The following SMYD3 variants were observed in gnomAD, a reference collection of about 807,000 sequenced individuals.
SMYD3 encodes the protein SET and MYND domain containing 3.
A neutral mutation model predicts 57.7 loss-of-function variants in SMYD3; 36 were observed. The ratio of observed to expected loss-of-function variants is 0.62; its 90% confidence interval spans 0.48 to 0.82. The LOEUF (loss-of-function observed/expected upper bound fraction) is 0.82. Among genes scored for constraint, SMYD3 ranks in the 40% least tolerant of loss-of-function variants. SMYD3 has a pLI of 0.00. For missense variants in SMYD3, 515 were observed against 538.8 expected (o/e 0.96, Z 0.44); for synonymous variants, 211 against 195.0 (o/e 1.08, Z -0.68).
At chr1:246,344,579 T>C (rs1202333738) in intron 2 of SMYD3, among the ~76,000 whole-genome samples, 1 of 152,222 alleles carries the variant, frequency 6.6e-6, no homozygotes, top group Non-Finnish European at 1.5e-5. Context: ...TCATAACTCT[T>C]AGGTAAATAA....
chr1:246,165,578 G>A (rs898264871), intron 5 of SMYD3, among the ~76,000 whole-genome samples: 8 of 151,588 alleles, frequency 5.3e-5, no homozygotes, highest in African/African-American at 9.8e-5. Context: ...GTTAAAAGTC[G>A]TCGAAACAAT....
intron 5 of SMYD3, among the ~76,000 whole-genome samples, chr1:246,114,668 G>A (rs1212528735): frequency 6.6e-6 from 1 of 152,146 alleles, no homozygotes; most frequent in South Asian, 2.1e-4. Flanking sequence ...GTTTCACTCT[G>A]TCGCCAGGCT....
chr1:246,103,246 C>G (rs994593762), intron 5 of SMYD3, among the ~76,000 whole-genome samples: 3 of 152,176 alleles, frequency 2.0e-5, no homozygotes, highest in African/African-American at 7.2e-5. Flanking sequence ...TTCCCCAAGA[C>G]AAATTTATAT....
At chr1:246,390,214 C>CCA (rs2066536496) in intron 1 of SMYD3, among the ~76,000 whole-genome samples, 4 of 66,970 alleles carry the variant, frequency 6.0e-5, no homozygotes, top group Non-Finnish European at 8.6e-5. Flanking sequence ...ATTCTGTCTC[C>CCA]AAAAAAAAAA....
chr1:246,298,556 G>A (rs2064836899), intron 5 of SMYD3, among the ~76,000 whole-genome samples: 1 of 151,996 alleles, frequency 6.6e-6, no homozygotes, highest in Non-Finnish European at 1.5e-5. Context: ...ACAAGATGGA[G>A]GTTTTGTACT....
At chr1:245,806,861 G>A (rs900117144) in intron 10 of SMYD3, among the ~76,000 whole-genome samples, 1 of 127,890 alleles carries the variant, frequency 7.8e-6, no homozygotes, top group African/African-American at 3.0e-5. Flanking sequence ...AGTGAGCCGA[G>A]ATCGCGCCAC....
intron 1 of SMYD3, among the ~76,000 whole-genome samples, chr1:246,378,789 T>C (rs1373196871): frequency 8.5e-6 from 1 of 116,988 alleles, no homozygotes; most frequent in Non-Finnish European, 1.7e-5. Context: ...ATATATTTAA[T>C]ATATTATTTT....
At chr1:246,383,330 G>A (rs780407635) in intron 1 of SMYD3, among the ~76,000 whole-genome samples, 16 of 152,178 alleles carry the variant, frequency 1.1e-4, no homozygotes, top group Non-Finnish European at 1.9e-4. Context: ...GAATCTTTCT[G>A]AGAACGTTCT....
chr1:245,826,648 A>T lies in SMYD3; in HGVS notation c.1076+31848T>A, dbSNP rs149019657. On this transcript the variant is annotated intron_variant, in intron 10 of 11. Coordinates refer to ENST00000490107, the MANE Select transcript of SMYD3 (RefSeq NM_001167740.2). ...TTAGTTCGTTTTCACACTGCTATGA[A>T]GAACTGCCTGAGACTGTGTAATTTA... Among the ~76,000 whole-genome samples the T allele has an allele frequency of 3.5e-3, 538 of 152,342 alleles. 3 individuals carry two copies. The highest frequency in any genetic ancestry group is 0.012 in the African/African-American group (503 of 41,578).
intron 5 of SMYD3, among the ~76,000 whole-genome samples, chr1:246,001,727 G>A (rs888647314): frequency 6.6e-6 from 1 of 152,128 alleles, no homozygotes; most frequent in African/African-American, 2.4e-5. Context: ...AGGGGTCATT[G>A]CCCTGGCTGA....
At chr1:245,927,000 A>T (rs2056419612) in intron 7 of SMYD3, among the ~76,000 whole-genome samples, 1 of 152,238 alleles carries the variant, frequency 6.6e-6, no homozygotes, top group East Asian at 1.9e-4. Flanking sequence ...CAGTTTGGGG[A>T]GAATCTTGTC....
intron 1 of SMYD3, among the ~76,000 whole-genome samples, chr1:246,479,098 A>G (rs1362285835): frequency 1.3e-5 from 2 of 150,340 alleles, no homozygotes; most frequent in Non-Finnish European, 1.5e-5. Flanking sequence ...ATAAGTGCTC[A>G]TATATGTACA....
chr1:246,348,425 A>AT (rs1553336604), intron 2 of SMYD3, among the ~76,000 whole-genome samples: 2 of 151,382 alleles, frequency 1.3e-5, no homozygotes, highest in African/African-American at 4.8e-5. Flanking sequence ...CGGAAAAAAA[A>AT]ATATATATAT....
intron 5 of SMYD3, among the ~76,000 whole-genome samples, chr1:246,101,823 T>C (rs1449618951): frequency 2.0e-5 from 3 of 152,270 alleles, no homozygotes; most frequent in Admixed American, 2.0e-4. Flanking sequence ...AAATTGCCTC[T>C]TTCTGTCTTT....
At chr1:245,866,992 T>C (rs888115102) in intron 8 of SMYD3, among the ~76,000 whole-genome samples, 1 of 152,252 alleles carries the variant, frequency 6.6e-6, no homozygotes, top group Non-Finnish European at 1.5e-5. Flanking sequence ...AGCAGAATAA[T>C]GGATCCCCAA....
chr1:246,428,829 C>CCATGCAATCTACACCACAGCCCA (rs1366514514), intron 1 of SMYD3, among the ~76,000 whole-genome samples: 1 of 151,988 alleles, frequency 6.6e-6, no homozygotes. Flanking sequence ...ACCGCCGATG[C>CCATGCAATCTACACCACAGCCCA]TCTGCTGCCT....
intron 1 of SMYD3, among the ~76,000 whole-genome samples, chr1:246,470,101 C>T (rs540961071): frequency 6.6e-6 from 1 of 152,236 alleles, no homozygotes; most frequent in Non-Finnish European, 1.5e-5. Flanking sequence ...AACTGACTTG[C>T]ATTCTTCAAA....
At chr1:246,102,170 C>T (rs971286437) in intron 5 of SMYD3, among the ~76,000 whole-genome samples, 2 of 152,210 alleles carry the variant, frequency 1.3e-5, no homozygotes, top group African/African-American at 4.8e-5. Context: ...GTAGCTCAAG[C>T]TTGAACCTGT....
chr1:246,033,130 T>C (rs1338681543), intron 5 of SMYD3, among the ~76,000 whole-genome samples: 1 of 151,810 alleles, frequency 6.6e-6, no homozygotes, highest in Non-Finnish European at 1.5e-5. Flanking sequence ...TTTATAGTAA[T>C]AAAAAACTGG....
Sources: allele counts gnomAD v4.1 joint callset (sites outside exome capture counted in the v4.1 genomes callset), GRCh38; gene constraint gnomAD v4.1.1; transcripts MANE v1.5; gene names NCBI Gene and HGNC (gene_info 2026-07-23, HGNC 2026-07-21).